The following GPHN variants were observed in gnomAD, a reference collection of about 807,000 sequenced individuals.
The protein encoded by GPHN is gephyrin.
A neutral mutation model predicts 95.5 loss-of-function variants in GPHN; 17 were observed. The ratio of observed to expected loss-of-function variants is 0.18; its 90% CI spans 0.12 to 0.27. The LOEUF is 0.27. Ranked by LOEUF, GPHN falls within the 10% of genes least tolerant of loss-of-function variation. The pLI is 1.00. For missense variants in GPHN, 660 were observed against 978.1 expected, an observed-to-expected ratio of 0.67 and a Z score of 4.34; for synonymous variants, 320 against 322.5, an observed-to-expected ratio of 0.99 and a Z score of 0.08.
the GPHN span, among the ~76,000 whole-genome samples, chr14:67,287,056 A>C: frequency 6.6e-6 from 1 of 152,052 alleles, no homozygotes; most frequent in African/African-American, 2.4e-5. Context: ...TCTCTACAAA[A>C]AATACAAAAA....
chr14:66,804,427 A>G (rs575111961), intron 3 of GPHN, among the ~76,000 whole-genome samples: 1 of 152,346 alleles, frequency 6.6e-6, no homozygotes, highest in Admixed American at 6.5e-5. Flanking sequence ...TGAACAATGC[A>G]AAAGATTTCA....
the GPHN span, chr14:67,278,929 C>T: frequency 2.0e-5 from 6 of 304,216 alleles, no homozygotes; most frequent in Non-Finnish European, 3.0e-5. Context: ...TTATTTTCTA[C>T]GTTGTATGGT....
intron 1 of GPHN, among the ~76,000 whole-genome samples, chr14:66,580,837 A>G (rs968148159): frequency 2.6e-5 from 4 of 151,832 alleles, no homozygotes; most frequent in African/African-American, 9.7e-5. Context: ...CATCATTACC[A>G]TGATACCGAA....
At chr14:66,918,006 G>A (rs559220145) in intron 6 of GPHN, among the ~76,000 whole-genome samples, 11 of 152,206 alleles carry the variant, frequency 7.2e-5, no homozygotes, top group African/African-American at 2.6e-4. Flanking sequence ...CCACAAAATT[G>A]CTCATTTCTG....
intron 3 of GPHN, among the ~76,000 whole-genome samples, chr14:66,789,303 T>G (rs1206627770): frequency 6.6e-6 from 1 of 152,226 alleles, no homozygotes; most frequent in African/African-American, 2.4e-5. Context: ...CACATCTTAC[T>G]TTCCTTACAC....
chr14:67,250,918 G>A, the GPHN span, among the ~76,000 whole-genome samples: 1 of 151,978 alleles, frequency 6.6e-6, no homozygotes, highest in South Asian at 2.1e-4. Flanking sequence ...TGTATCCCTC[G>A]CTGTGTCTCT....
the GPHN span, among the ~76,000 whole-genome samples, chr14:67,639,292 A>C: frequency 1.3e-5 from 2 of 152,176 alleles, no homozygotes; most frequent in African/African-American, 4.8e-5. Flanking sequence ...TCTGTGACTT[A>C]TCCACTGGAT....
At chr14:67,448,154 T>TTTTTTTTTTTTTTTTC in the GPHN span, among the ~76,000 whole-genome samples, 1 of 107,170 alleles carries the variant, frequency 9.3e-6, no homozygotes, top group African/African-American at 4.2e-5. Flanking sequence ...TTTTTTTTTT[T>TTTTTTTTTTTTTTTTC]TTGAGACGGA....
chr14:66,999,137 A>C (rs2072039349), intron 9 of GPHN, among the ~76,000 whole-genome samples: 1 of 151,954 alleles, frequency 6.6e-6, no homozygotes. Context: ...TCTCCTGTTA[A>C]GAAGTTGTTA....
the GPHN span, among the ~76,000 whole-genome samples, chr14:67,374,088 C>T: frequency 6.6e-6 from 1 of 152,134 alleles, no homozygotes; most frequent in African/African-American, 2.4e-5. Flanking sequence ...TTCAGAATCT[C>T]TCATCTTGTA....
At chr14:66,745,096 A>G (rs1235114897) in intron 2 of GPHN, among the ~76,000 whole-genome samples, 2 of 152,086 alleles carry the variant, frequency 1.3e-5, no homozygotes. Context: ...CATTAAGTTC[A>G]TTTGGTTATG....
chr14:67,143,162 G>T (rs1266672133), intron 17 of GPHN, 200 bp from the exon 18 acceptor site: 2 of 535,246 alleles, frequency 3.7e-6, no homozygotes, highest in Non-Finnish European at 6.8e-6. Flanking sequence ...CACTACTTCA[G>T]CATGTACAAG....
the GPHN span, among the ~76,000 whole-genome samples, chr14:67,389,256 C>A: frequency 1.3e-5 from 2 of 151,884 alleles, no homozygotes; most frequent in African/African-American, 4.8e-5. Flanking sequence ...CTACTAAATG[C>A]CAACGGGAGG....
chr14:66,565,809 A>G (rs1321719683), intron 1 of GPHN, among the ~76,000 whole-genome samples: 12 of 152,160 alleles, frequency 7.9e-5, no homozygotes, highest in Admixed American at 1.3e-4. Flanking sequence ...ACTTTTTGCA[A>G]TTTTATCTTT....
the GPHN span, among the ~76,000 whole-genome samples, chr14:67,326,628 A>G: frequency 6.6e-6 from 1 of 151,948 alleles, no homozygotes; most frequent in African/African-American, 2.4e-5. Context: ...TGAAGTTAAT[A>G]CCCCTCCATT....
intron 1 of GPHN, among the ~76,000 whole-genome samples, chr14:66,638,052 G>A (rs1054276814): frequency 2.6e-5 from 4 of 151,926 alleles, no homozygotes; most frequent in Admixed American, 2.0e-4. Flanking sequence ...GATCTATTGG[G>A]CCTTTTTATA....
the GPHN span, chr14:67,589,815 T>A: frequency 8.6e-7 from 1 of 1,158,490 alleles, no homozygotes; most frequent in Non-Finnish European, 1.1e-6. Flanking sequence ...TTTGCTGACA[T>A]TACTTTTGAC....
the GPHN span, among the ~76,000 whole-genome samples, chr14:67,623,566 G>A: frequency 3.5e-5 from 4 of 113,898 alleles, no homozygotes; most frequent in South Asian, 5.7e-4. Context: ...TTTTTGAGAC[G>A]GAGTCTCGCT....
chr14:66,679,216 G>A (rs1174438356), intron 1 of GPHN, among the ~76,000 whole-genome samples: 2 of 152,322 alleles, frequency 1.3e-5, no homozygotes, highest in East Asian at 3.9e-4. Flanking sequence ...TTTTATCAAG[G>A]TACAAACTTT....
Sources: allele counts gnomAD v4.1 joint callset (sites outside exome capture counted in the v4.1 genomes callset), GRCh38; gene constraint gnomAD v4.1.1; transcripts MANE v1.5; gene names NCBI Gene and HGNC (gene_info 2026-07-23, HGNC 2026-07-21).